Variants in DAB2 observed in about 807,000 individuals in gnomAD.
The protein encoded by DAB2 is disabled homolog 2.
A neutral mutation model predicts 71.6 loss-of-function variants in DAB2; 28 were observed. The ratio of observed to expected loss-of-function variants is 0.39; its 90% confidence interval spans 0.29 to 0.54. DAB2 has a LOEUF of 0.54. DAB2 is among the 20% of genes least tolerant of loss of function. The pLI is 0.68. For synonymous variants in DAB2, 345 were observed against 339.7 expected (o/e 1.02, Z -0.17); for missense variants, 867 against 928.8 (o/e 0.93, Z 0.86).
chr5:39,388,417 A>T (rs375068420), intron 8 of DAB2, 50 bp from the exon 9 acceptor site: 3 of 1,243,332 alleles, frequency 2.4e-6, no homozygotes, highest in Non-Finnish European at 3.5e-6. Context: ...AAAAAAGATT[A>T]CTTCGTATAT....
In DAB2 at chr5:39,383,218, CT is replaced by C; in HGVS notation, c.740del (p.Gln247ArgfsTer4). 6.2e-7 allele frequency: 1 copy of C among 1,613,840 alleles called. No homozygotes were observed. Among genetic ancestry groups the C allele is most frequent in the East Asian group, 2.2e-5 (1 of 44,862 alleles). On this transcript the variant is annotated frameshift_variant, in exon 10 of 15. Transcript: ENST00000320816. LOFTEE classifies it high-confidence loss of function. ...VDLNSEIDTNQNSLRENPFLT... is the reference protein window; with the variant it reads ...VDLNSEIDTNXNSLRENPFLT... ...AGAATGGATTTTCTCTTAAAGAATTCTGATTGGTGTCGATTTCAGAGTTTAG... is the reference window on the plus strand; with the variant it reads ...AGAATGGATTTTCTCTTAAAGAATTCGATTGGTGTCGATTTCAGAGTTTAG...
intron 1 of DAB2, among the ~76,000 whole-genome samples, chr5:39,402,818 G>C (rs1008225450): frequency 6.6e-6 from 1 of 152,172 alleles, no homozygotes; most frequent in African/African-American, 2.4e-5. Flanking sequence ...ACAAAAGTTG[G>C]GTTCTGATAG....
intron 4 of DAB2, 140 bp downstream of exon 4, chr5:39,392,225 G>A (rs1755246533): frequency 2.9e-6 from 2 of 687,916 alleles, no homozygotes. Context: ...TTTTCTGCCT[G>A]TTACTTCTGG....
At chr5:39,394,915 G>C (rs77581833) in intron 1 of DAB2, among the ~76,000 whole-genome samples, 2,839 of 152,248 alleles carry the variant, frequency 0.019, 80 homozygotes, top group Middle Eastern at 0.068. Context: ...TGATAAATTT[G>C]TTTTAAGTAT....
chr5:39,405,163 T>C (rs187749668), intron 1 of DAB2, among the ~76,000 whole-genome samples: 45 of 152,346 alleles, frequency 3.0e-4, no homozygotes, highest in African/African-American at 1.1e-3. Context: ...AATCCCTCTT[T>C]ACACTTATTC....
intron 1 of DAB2, among the ~76,000 whole-genome samples, chr5:39,416,355 G>A (rs1167372837): frequency 1.3e-5 from 2 of 152,112 alleles, no homozygotes; most frequent in Non-Finnish European, 2.9e-5. Context: ...GACTCTGGTT[G>A]TAACTGATCT....
intron 1 of DAB2, among the ~76,000 whole-genome samples, chr5:39,410,978 AAAAAATCTG>A (rs1176829185): frequency 1.3e-5 from 2 of 152,158 alleles, no homozygotes; most frequent in Non-Finnish European, 2.9e-5. Flanking sequence ...AAGGTTGGTT[AAAAAATCTG>A]ACTTAACACT....
chr5:39,421,404 A>G (rs1368495329), intron 1 of DAB2, among the ~76,000 whole-genome samples: 1 of 152,206 alleles, frequency 6.6e-6, no homozygotes, highest in Non-Finnish European at 1.5e-5. Context: ...ATCCTGGGGT[A>G]GGTACTATTA....
At chr5:39,389,972 T>A (rs2112053624) in intron 5 of DAB2, 40 bp from the exon 6 acceptor site, 1 of 1,349,738 alleles carries the variant, frequency 7.4e-7, no homozygotes, top group Non-Finnish European at 1.0e-6. Context: ...ATTTTAATTT[T>A]AGTATTTTAT....
At chr5:39,384,960 A>G (rs1217322284) in intron 9 of DAB2, among the ~76,000 whole-genome samples, 1 of 152,164 alleles carries the variant, frequency 6.6e-6, no homozygotes, top group Non-Finnish European at 1.5e-5. Flanking sequence ...AAAGGGTTCA[A>G]ATAGAACTCC....
rs182028735 is a variant in DAB2 at position 39,389,550 on chromosome 5, G to A, written c.543+302C>T. Among the ~76,000 whole-genome samples, 9 of 152,186 alleles carry A rather than the reference G, an allele frequency of 5.9e-5. No homozygotes were observed. The East Asian group carries it at 1.7e-3, about 29-fold the overall frequency. ...GTTTGAGACAGAGTCTCGTTCTGTC[G>A]CCCAGGCTGGAGTGCAGTGGCACCA... is the stretch of plus-strand genomic sequence containing the variant. On this transcript the variant is annotated intron_variant, in intron 6 of 14. Coordinates refer to ENST00000320816, the MANE Select transcript of DAB2 (RefSeq NM_001343.4).
At chr5:39,409,681 C>T (rs570083039) in intron 1 of DAB2, among the ~76,000 whole-genome samples, 1 of 152,268 alleles carries the variant, frequency 6.6e-6, no homozygotes, top group African/African-American at 2.4e-5. Context: ...GATCAGGAAG[C>T]ACACTCAGCA....
chr5:39,396,448 T>C (rs144650461), intron 1 of DAB2, among the ~76,000 whole-genome samples: 6 of 152,350 alleles, frequency 3.9e-5, no homozygotes, highest in South Asian at 2.1e-4. Context: ...TCCTTGAATG[T>C]AGGAGACTCA....
chr5:39,405,745 G>A (rs930521487), intron 1 of DAB2, among the ~76,000 whole-genome samples: 9 of 152,190 alleles, frequency 5.9e-5, no homozygotes, highest in African/African-American at 2.2e-4. Context: ...CTTATGTGCT[G>A]TTCTCCATTT....
Position 39,377,205 on chromosome 5 carries a change from C to A in DAB2, c.1582G>T (p.Ala528Ser), listed in dbSNP as rs537421681. Residue 528 changes from alanine to serine, a missense_variant, in exon 12 of 15, where the codon GCT (alanine) becomes TCT (serine). Physicochemically the swap from Ala to Ser is moderately conservative, Grantham distance 99. Transcript: ENST00000320816. ...TGACCACCCATCATGGCTCCCGGAG[C>A]CATTGAAGGGGACTGATTGAAGACC... ...SLVFNQSPSM[A>S]PGAMMGGQPS... is the part of the protein sequence containing the mutation. The A allele has an allele frequency of 6.2e-7, 1 of 1,614,084 alleles. No individual in the cohort carries two copies. The highest frequency in any genetic ancestry group is 8.5e-7 in the Non-Finnish European group (1 of 1,179,984).
chr5:39,388,805 C>T lies in DAB2; in HGVS notation c.618G>A (p.Leu206=). 1 of 1,612,934 alleles carries T rather than the reference C, an allele frequency of 6.2e-7. No individual in the cohort carries two copies. ...GTCACATATTAATACATACCGATTT[C>T]AGTTTGTTAGTTTGGTCATCTAGAA... is the stretch of plus-strand genomic sequence containing the variant. ...LMILDDQTNK[L]KSGVDQMDLF... The change falls in exon 8 of 15, where the codon CTG becomes CTA. Residue 206 remains leucine (L), a synonymous_variant. Coordinates refer to ENST00000320816, the MANE Select transcript of DAB2 (RefSeq NM_001343.4).
intron 4 of DAB2, among the ~76,000 whole-genome samples, chr5:39,391,957 C>A (rs1243051977): frequency 1.4e-5 from 1 of 72,472 alleles, no homozygotes; most frequent in Non-Finnish European, 3.0e-5. Flanking sequence ...GTTCTGTATA[C>A]CCGAGGTCAA....
intron 1 of DAB2, among the ~76,000 whole-genome samples, chr5:39,409,490 A>G (rs1367582500): frequency 5.3e-5 from 8 of 152,220 alleles, no homozygotes; most frequent in Non-Finnish European, 1.0e-4. Flanking sequence ...TAATACAATA[A>G]AACACCGACT....
In DAB2 at chr5:39,382,959, C is replaced by A; in HGVS notation, c.1000G>T (p.Gly334Trp). The change falls in exon 10 of 15, where the codon GGG (glycine) becomes TGG (tryptophan). Residue 334 changes from glycine to tryptophan, a missense_variant. Gly to Trp is a radical substitution (Grantham distance 184, BLOSUM62 -2). Transcript: ENST00000320816. The stretch of plus-strand genomic sequence containing the variant: ...TAGTCAACATCACCATTCAGGGGCC[C>A]ATTACTCAGCGGAGTAGACGAGCTA... ...SSSSSTPLSN[G>W]PLNGDVDYFG... is the part of the protein sequence containing the mutation. 2 of 1,614,096 alleles carry A rather than the reference C, an allele frequency of 1.2e-6. No individual in the cohort carries two copies. Among genetic ancestry groups the A allele is most frequent in the Non-Finnish European group, 1.7e-6 (2 of 1,180,026 alleles).
Sources: allele counts gnomAD v4.1 joint callset (sites outside exome capture counted in the v4.1 genomes callset), GRCh38; gene constraint gnomAD v4.1.1; transcripts MANE v1.5; gene names NCBI Gene and HGNC (gene_info 2026-07-23, HGNC 2026-07-21).